IGSF10: variants seen among roughly 807,000 people sequenced by gnomAD.
The protein encoded by IGSF10 is calvaria mechanical force protein 608.
A neutral mutation model predicts 128.2 loss-of-function variants in IGSF10; 126 were observed. The ratio of observed to expected loss-of-function variants is 0.98; its 90% CI spans 0.85 to 1.14. The LOEUF (loss-of-function observed/expected upper bound fraction) is 1.14, where lower values mean the gene tolerates loss of function less well. Among genes scored for constraint, IGSF10 ranks in the 50% most tolerant of loss-of-function variants. The pLI, the probability that IGSF10 is intolerant of heterozygous loss-of-function variation, is 0.00. For missense variants in IGSF10, 3,295 were observed against 3,149.8 expected (o/e 1.05, Z -1.10); for synonymous variants, 1,185 against 1,146.2 (o/e 1.03, Z -0.68).
chr3:151,469,285 C>T, the IGSF10 span, among the ~76,000 whole-genome samples: 2 of 152,108 alleles, frequency 1.3e-5, no homozygotes, highest in Admixed American at 6.5e-5. Context: ...AATGGTATTT[C>T]TGTTTCTAGG....
chr3:151,519,230 C>T, the IGSF10 span, among the ~76,000 whole-genome samples: 1 of 151,758 alleles, frequency 6.6e-6, no homozygotes, highest in South Asian at 2.1e-4. Flanking sequence ...AATTTTTATG[C>T]CAGCCTTAGG....
the IGSF10 span, among the ~76,000 whole-genome samples, chr3:151,537,680 T>C: frequency 1.6e-4 from 25 of 152,336 alleles, no homozygotes; most frequent in South Asian, 5.0e-3. Context: ...ATTCTAACTT[T>C]AGTCATCACT....
At chr3:151,493,819 A>AT in the IGSF10 span, among the ~76,000 whole-genome samples, 1 of 149,484 alleles carries the variant, frequency 6.7e-6, no homozygotes, top group Non-Finnish European at 1.5e-5. Flanking sequence ...AAAGGTACCA[A>AT]TTTTTTGTGT....
At position 151,445,578 on chromosome 3, in the gene IGSF10, C is replaced by G. The variant is rs1721138205; in HGVS notation, c.4403G>C (p.Ser1468Thr). The G allele has an allele frequency of 1.2e-6, 2 of 1,614,032 alleles. No individual in the cohort carries two copies. The highest frequency in any genetic ancestry group is 3.3e-5 in the Admixed American group (2 of 60,010). Residue 1468 changes from serine (S) to threonine (T), a missense_variant, in exon 6 of 8, where the codon AGC becomes ACC. Transcript: ENST00000282466. ...GGGAACTGGCATTAGAGTAGCACTG[C>G]TGCTCAAGAATGGTGGTATGGTTGA... ...RHSTIPPFLS[S>T]SATLMPVPIS...
the IGSF10 span, among the ~76,000 whole-genome samples, chr3:151,529,527 G>A: frequency 6.6e-6 from 1 of 152,204 alleles, no homozygotes; most frequent in African/African-American, 2.4e-5. Flanking sequence ...AGCAATCTTT[G>A]CTGTTCTGCA....
chr3:151,437,412 T>C lies in IGSF10; in HGVS notation c.7149A>G (p.Pro2383=). ...LPNGTRFSNG[P]QSYQYLIASN... ...TTGCTATCAGATACTGATAACTTTG[T>C]GGTCCATTGGAAAATCGTGTGCCAT... Residue 2383 remains proline, a synonymous_variant, in exon 8 of 8, where the codon CCA becomes CCG. Transcript: ENST00000282466. The C allele has an allele frequency of 6.2e-7, 1 of 1,614,222 alleles. No individual in the cohort carries two copies.
the IGSF10 span, among the ~76,000 whole-genome samples, chr3:151,581,605 T>A: frequency 2.0e-5 from 3 of 152,314 alleles, no homozygotes; most frequent in African/African-American, 4.8e-5. Context: ...GCACTTTTTC[T>A]TCCCACTGCT....
At chr3:151,575,975 G>C in the IGSF10 span, among the ~76,000 whole-genome samples, 2 of 152,146 alleles carry the variant, frequency 1.3e-5, no homozygotes, top group Non-Finnish European at 2.9e-5. Flanking sequence ...TACTGTGCTA[G>C]AGAGTTTAAT....
the IGSF10 span, among the ~76,000 whole-genome samples, chr3:151,558,865 T>C: frequency 6.6e-6 from 1 of 152,164 alleles, no homozygotes; most frequent in Non-Finnish European, 1.5e-5. Context: ...TGGAGAATTC[T>C]AGTGGATAGA....
intron 7 of IGSF10, chr3:151,440,663 C>T (rs1720798970): frequency 2.2e-6 from 1 of 456,386 alleles, no homozygotes; most frequent in Non-Finnish European, 4.4e-6. Context: ...AGTATTGGTT[C>T]TTAAACTTGG....
the IGSF10 span, among the ~76,000 whole-genome samples, chr3:151,536,732 C>T: frequency 6.6e-6 from 1 of 152,152 alleles, no homozygotes; most frequent in East Asian, 1.9e-4. Flanking sequence ...CTTTACTTTT[C>T]CCCTTAAAGT....
At position 151,446,915 on chromosome 3, in the gene IGSF10, A is replaced by G. The variant is rs1435938665; in HGVS notation, c.3066T>C (p.Ile1022=). Residue 1022 remains isoleucine, a synonymous_variant, in exon 6 of 8, where the codon ATT becomes ATC. Coordinates refer to ENST00000282466, the MANE Select transcript of IGSF10 (RefSeq NM_178822.5). The stretch of plus-strand genomic sequence containing the variant: ...GAACTGGAGTTCTATATGGGCTGAT[A>G]ATCCGCCCCCTTCCGCCAATTTTCC... ...RQRKIGGRGR[I]ISPYRTPVLR... The G allele has an allele frequency of 6.2e-7, 1 of 1,614,088 alleles. No homozygotes were observed. The highest frequency in any genetic ancestry group is 1.7e-5 in the Admixed American group (1 of 60,026).
At chr3:151,496,087 C>A in the IGSF10 span, among the ~76,000 whole-genome samples, 2 of 152,004 alleles carry the variant, frequency 1.3e-5, 1 homozygote, top group Admixed American at 1.3e-4. Context: ...TTCTAGAAGC[C>A]ACTTTTGCAT....
At chr3:151,482,542 C>T in the IGSF10 span, among the ~76,000 whole-genome samples, 1 of 152,104 alleles carries the variant, frequency 6.6e-6, no homozygotes, top group African/African-American at 2.4e-5. Flanking sequence ...TAAAGACAGT[C>T]TATAGGGCAT....
the IGSF10 span, among the ~76,000 whole-genome samples, chr3:151,509,290 G>A: frequency 3.9e-5 from 6 of 152,114 alleles, no homozygotes; most frequent in Non-Finnish European, 5.9e-5. Context: ...ATACTAAATT[G>A]TTTAGATATA....
At chr3:151,473,619 A>G in the IGSF10 span, among the ~76,000 whole-genome samples, 1 of 152,306 alleles carries the variant, frequency 6.6e-6, no homozygotes, top group Non-Finnish European at 1.5e-5. Context: ...TATATATTAT[A>G]AAGGAGCCAC....
the IGSF10 span, among the ~76,000 whole-genome samples, chr3:151,505,274 A>G: frequency 6.6e-6 from 1 of 152,212 alleles, no homozygotes; most frequent in Non-Finnish European, 1.5e-5. Context: ...CCTCCTTCAC[A>G]TGGCAGTAGG....
the IGSF10 span, among the ~76,000 whole-genome samples, chr3:151,555,352 T>A: frequency 0.015 from 2,240 of 151,948 alleles, 57 homozygotes; most frequent in African/African-American, 0.051. Flanking sequence ...GCAAGCAGAA[T>A]TTAGAGGGAA....
the IGSF10 span, among the ~76,000 whole-genome samples, chr3:151,510,338 C>G: frequency 3.3e-5 from 5 of 152,192 alleles, no homozygotes; most frequent in Non-Finnish European, 7.3e-5. Context: ...GTTCTGCAGC[C>G]ACTGCTGCTG....
Sources: gnomAD v4.1 joint callset for allele counts (sites outside exome capture counted in the v4.1 genomes callset) on GRCh38, gnomAD v4.1.1 for gene constraint, MANE v1.5 for transcripts, NCBI Gene and HGNC (gene_info 2026-07-23, HGNC 2026-07-21) for gene names.